Variants in CEP63 observed in about 807,000 individuals in gnomAD.
The protein encoded by CEP63 is centrosomal protein 63.
Under a neutral mutation model 89.1 loss-of-function variants are expected in CEP63, and 84 were observed. The observed-to-expected ratio is 0.94, with a 90% CI of 0.79 to 1.13. CEP63 has a LOEUF of 1.13. Ranked by LOEUF, CEP63 falls within the 50% of genes most tolerant of loss-of-function variation. The pLI is 0.00. For synonymous variants in CEP63, 267 were observed against 272.5 expected (o/e 0.98, Z 0.20); for missense variants, 838 against 813.3 (o/e 1.03, Z -0.37).
intron 10 of CEP63, among the ~76,000 whole-genome samples, chr3:134,586,538 G>GTA (rs1958489524): frequency 6.6e-6 from 1 of 152,200 alleles, no homozygotes; most frequent in Non-Finnish European, 1.5e-5. Context: ...CTTCTGGCTT[G>GTA]TAGGGTTTTT....
chr3:134,750,015 A>G, the CEP63 span, among the ~76,000 whole-genome samples: 1 of 152,186 alleles, frequency 6.6e-6, no homozygotes, highest in Non-Finnish European at 1.5e-5. Flanking sequence ...ATTGGAAGCA[A>G]GGGGCGCTAG....
Position 134,561,551 on chromosome 3 carries a change from A to T in CEP63, c.*16A>T. 6.2e-7 allele frequency: 1 copy of T among 1,606,686 alleles called. No individual in the cohort carries two copies. Among genetic ancestry groups the T allele is most frequent in the Non-Finnish European group, 8.5e-7 (1 of 1,175,562 alleles). Reference sequence around the variant, plus strand: ...CTTAAAGTAGCCTCTTAAAAAAATCACTATCTTGGAAATAAAAATAAACAC... The same window carrying T: ...CTTAAAGTAGCCTCTTAAAAAAATCTCTATCTTGGAAATAAAAATAAACAC... On this transcript the variant is annotated 3_prime_UTR_variant, in exon 15 of 15. Transcript: ENST00000675561.
At chr3:134,488,570 T>C in intron 1 of CEP63, among the ~76,000 whole-genome samples, 1 of 151,750 alleles carries the variant, frequency 6.6e-6, no homozygotes, top group East Asian at 2.0e-4. Flanking sequence ...GATCACACCA[T>C]TGCTCTCCAG....
At chr3:134,701,007 A>G in the CEP63 span, among the ~76,000 whole-genome samples, 1 of 134,172 alleles carries the variant, frequency 7.5e-6, no homozygotes, top group Non-Finnish European at 1.6e-5. Flanking sequence ...TTTTCTCCCT[A>G]TGAGTTAGTT....
At position 134,486,204 on chromosome 3, in the gene CEP63, T is replaced by C; in HGVS notation, c.-26+2T>C. On this transcript the variant is annotated splice_donor_variant, in intron 1 of 14. Transcript: ENST00000675561. LOFTEE classifies it low-confidence loss of function (5UTR_SPLICE). ...GCGCGTGCGCAGCGCCGGCCCGAGG[T>C]AACGGCGGGAAGGCTCAGGGGCGTG... The C allele has an allele frequency of 2.0e-6, 2 of 985,444 alleles. No individual in the cohort carries two copies. The highest frequency in any genetic ancestry group is 2.4e-6 in the Non-Finnish European group (2 of 829,952). 61.0% of individuals were successfully genotyped at this position (985,444 alleles called of 1,614,324 possible).
At chr3:134,547,880 A>T (rs1303946594) in intron 9 of CEP63, among the ~76,000 whole-genome samples, 4 of 152,054 alleles carry the variant, frequency 2.6e-5, no homozygotes, top group African/African-American at 9.7e-5. Context: ...AAGTGCTGGG[A>T]TTACAGGCAT....
At chr3:134,496,442 G>T (rs1029290888) in intron 2 of CEP63, among the ~76,000 whole-genome samples, 3 of 139,398 alleles carry the variant, frequency 2.2e-5, no homozygotes, top group Non-Finnish European at 3.1e-5. Context: ...GGGGGGGGGG[G>T]CTAAAGAACT....
chr3:134,625,469 T>C, the CEP63 span, among the ~76,000 whole-genome samples: 20 of 152,372 alleles, frequency 1.3e-4, 1 homozygote, highest in African/African-American at 4.6e-4. Context: ...ATCTTCTTTT[T>C]CCCACCATTT....
the CEP63 span, among the ~76,000 whole-genome samples, chr3:134,674,037 G>C: frequency 1.3e-5 from 2 of 152,186 alleles, no homozygotes; most frequent in Non-Finnish European, 2.9e-5. Context: ...ACAGTGATTA[G>C]CTTGTGGTTG....
chr3:134,683,206 G>T, the CEP63 span, among the ~76,000 whole-genome samples: 2 of 152,176 alleles, frequency 1.3e-5, no homozygotes, highest in Non-Finnish European at 2.9e-5. Flanking sequence ...GCCTTGCATG[G>T]TTTTCATCAT....
At chr3:134,706,205 G>A in the CEP63 span, among the ~76,000 whole-genome samples, 2 of 152,200 alleles carry the variant, frequency 1.3e-5, no homozygotes, top group African/African-American at 4.8e-5. Context: ...TGGTGTGGTA[G>A]TGGGAGGCCT....
At chr3:134,708,666 A>T in the CEP63 span, among the ~76,000 whole-genome samples, 2 of 152,214 alleles carry the variant, frequency 1.3e-5, no homozygotes, top group Non-Finnish European at 2.9e-5. Flanking sequence ...TTGAAATTTC[A>T]GGGCTTTCTC....
the CEP63 span, among the ~76,000 whole-genome samples, chr3:134,774,296 A>G: frequency 6.6e-6 from 1 of 152,224 alleles, no homozygotes; most frequent in Non-Finnish European, 1.5e-5. Flanking sequence ...CAGCCAAGAA[A>G]CAATACAATA....
chr3:134,775,993 A>G, the CEP63 span, among the ~76,000 whole-genome samples: 5 of 152,236 alleles, frequency 3.3e-5, no homozygotes, highest in Non-Finnish European at 7.3e-5. Flanking sequence ...GCCAGGTATT[A>G]CCAATATAGC....
At chr3:134,619,692 G>T in the CEP63 span, among the ~76,000 whole-genome samples, 1 of 152,244 alleles carries the variant, frequency 6.6e-6, no homozygotes, top group South Asian at 2.1e-4. Flanking sequence ...CCCACAGCCT[G>T]TCACTTCACT....
chr3:134,692,898 C>A, the CEP63 span, among the ~76,000 whole-genome samples: 1 of 152,186 alleles, frequency 6.6e-6, no homozygotes, highest in African/African-American at 2.4e-5. Context: ...CTGGCATTCC[C>A]GCTCTGCTTC....
chr3:134,520,794 C>T (rs1947273302), intron 3 of CEP63, among the ~76,000 whole-genome samples: 1 of 152,098 alleles, frequency 6.6e-6, no homozygotes, highest in South Asian at 2.1e-4. Context: ...CTTTTCAATA[C>T]ATGTCACTGG....
rs138354332 is a variant in CEP63, at chr3:134,538,531, G to GTATATATATATATATATATATATA, written c.555+1264_555+1265insATATATATATATATATATATATAT. ...AGACCTAATAAGAAATTGTGTGTGT[G>GTATATATATATATATATATATATA]TGTATATATATATATATATATATGT... On this transcript the variant is annotated intron_variant, in intron 6 of 14. Transcript: ENST00000675561. Among the ~76,000 whole-genome samples, 46 of 99,632 alleles carry GTATATATATATATATATATATATA rather than the reference G, an allele frequency of 4.6e-4. 1 individual carries two copies. Among genetic ancestry groups the GTATATATATATATATATATATATA allele is most frequent in the Admixed American group, 1.8e-3 (14 of 7,812 alleles). The allele number at this position is 99,632 out of a possible 152,430, so 65.4% of individuals were successfully genotyped here. A position where few individuals can be genotyped will look rare whatever the true frequency, so the allele number is the denominator to read the frequency against.
chr3:134,625,399 A>C, the CEP63 span, among the ~76,000 whole-genome samples: 1 of 152,270 alleles, frequency 6.6e-6, no homozygotes, highest in Non-Finnish European at 1.5e-5. Context: ...GAGAAGTCAG[A>C]AGTAGGAAAC....
Sources: gnomAD v4.1 joint callset for allele counts (sites outside exome capture counted in the v4.1 genomes callset) on GRCh38, gnomAD v4.1.1 for gene constraint, MANE v1.5 for transcripts, NCBI Gene and HGNC (gene_info 2026-07-23, HGNC 2026-07-21) for gene names.